KLHL20: variants seen among roughly 807,000 people sequenced by gnomAD.
KLHL20 encodes kelch-like protein 20.
Under a neutral mutation model 69.5 loss-of-function variants are expected in KLHL20, and 29 were observed. That is an observed-to-expected ratio of 0.42 (90% CI 0.31 to 0.57). The LOEUF (loss-of-function observed/expected upper bound fraction) is 0.57, where lower values mean the gene tolerates loss of function less well. KLHL20 is among the 20% of genes least tolerant of loss of function. KLHL20 has a pLI of 0.18. For synonymous variants in KLHL20, 253 were observed against 265.2 expected, an observed-to-expected ratio of 0.95 and a Z score of 0.45; for missense variants, 419 against 776.0, an observed-to-expected ratio of 0.54 and a Z score of 5.47.
At chr1:173,757,183 TTCTC>T in intron 7 of KLHL20, 24 bp downstream of exon 7, 1 of 1,571,670 alleles carries the variant, frequency 6.4e-7, no homozygotes, top group African/African-American at 1.4e-5. Flanking sequence ...ATCTGTAATT[TTCTC>T]TCTACTATTC....
At chr1:173,767,769 A>G (rs913274420) in intron 8 of KLHL20, among the ~76,000 whole-genome samples, 4 of 152,086 alleles carry the variant, frequency 2.6e-5, no homozygotes, top group Non-Finnish European at 1.5e-5. Context: ...TAAGTTCCTT[A>G]TATATTTTCA....
At chr1:173,781,020 G>GGA (rs948827857) in intron 10 of KLHL20, among the ~76,000 whole-genome samples, 2 of 147,146 alleles carry the variant, frequency 1.4e-5, no homozygotes, top group East Asian at 2.0e-4. Context: ...AGAGGGAGAG[G>GGA]GAGAGAGAGA....
At chr1:173,755,110 G>A (rs1036438542) in intron 5 of KLHL20, among the ~76,000 whole-genome samples, 5 of 149,116 alleles carry the variant, frequency 3.4e-5, no homozygotes, top group African/African-American at 1.2e-4. Flanking sequence ...CCAGGCTGGA[G>A]TGCAGTGGTG....
intron 4 of KLHL20, among the ~76,000 whole-genome samples, chr1:173,752,153 T>G (rs1673344995): frequency 6.6e-6 from 1 of 151,056 alleles, no homozygotes; most frequent in Non-Finnish European, 1.5e-5. Flanking sequence ...GGAGAATCAC[T>G]TGAAACCAGG....
chr1:173,733,577 A>C, intron 2 of KLHL20, 136 bp from the exon 3 acceptor site: 2 of 748,820 alleles, frequency 2.7e-6, no homozygotes, highest in South Asian at 3.9e-5. Context: ...GTGAGACATC[A>C]TCTCTACAAA....
chr1:173,742,522 G>A (rs533876662), intron 3 of KLHL20, among the ~76,000 whole-genome samples: 15 of 152,070 alleles, frequency 9.9e-5, no homozygotes, highest in Admixed American at 9.2e-4. Flanking sequence ...TGGTAACAGG[G>A]AATATTTAGA....
At position 173,782,247 on chromosome 1, in the gene KLHL20, G is replaced by A. The variant is rs369523505; in HGVS notation, c.1745+17G>A. The stretch of plus-strand genomic sequence containing the variant: ...TACATGGAGGTAACTTTTAAGCTGT[G>A]TAGCAAATCACCTCACTACTGATTT... On this transcript the variant is annotated intron_variant, in intron 11 of 11. Transcript: ENST00000209884. 74 of 1,563,092 alleles carry A rather than the reference G, an allele frequency of 4.7e-5. No individual in the cohort carries two copies. The highest frequency in any genetic ancestry group is 6.2e-5 in the Non-Finnish European group (70 of 1,133,848).
intron 6 of KLHL20, 92 bp downstream of exon 6, chr1:173,756,130 C>A: frequency 2.3e-6 from 2 of 856,062 alleles, no homozygotes; most frequent in Non-Finnish European, 1.9e-6. Flanking sequence ...ATGATATTTA[C>A]TGTCATAAGA....
At chr1:173,741,914 G>C (rs563042302) in intron 3 of KLHL20, 9 of 1,277,470 alleles carry the variant, frequency 7.0e-6, no homozygotes, top group Non-Finnish European at 8.9e-6. Context: ...TGTTCCTTCA[G>C]ATGAAAGCAG....
At chr1:173,756,379 C>T (rs1313425780) in intron 6 of KLHL20, among the ~76,000 whole-genome samples, 1 of 144,498 alleles carries the variant, frequency 6.9e-6, no homozygotes. Flanking sequence ...ATAAGAAAAA[C>T]AATTGGCTGA....
chr1:173,722,123 A>C (rs889426904), intron 2 of KLHL20, among the ~76,000 whole-genome samples: 1 of 151,996 alleles, frequency 6.6e-6, no homozygotes, highest in South Asian at 2.1e-4. Flanking sequence ...ATAATTTTTA[A>C]ATTTTTTCGT....
chr1:173,776,017 C>T (rs1648441925), intron 10 of KLHL20, among the ~76,000 whole-genome samples, 175 bp downstream of exon 10: 1 of 152,078 alleles, frequency 6.6e-6, no homozygotes, highest in Non-Finnish European at 1.5e-5. Context: ...TTTGAGGAAC[C>T]TCCAAACTGT....
intron 11 of KLHL20, among the ~76,000 whole-genome samples, chr1:173,783,804 T>A (rs1343870578): frequency 6.7e-6 from 1 of 150,092 alleles, no homozygotes; most frequent in Non-Finnish European, 1.5e-5. Context: ...GGGTCAGAGG[T>A]TGCAGTGAGC....
At chr1:173,753,374 T>C (rs1673395537) in intron 5 of KLHL20, 67 bp downstream of exon 5, 2 of 1,135,362 alleles carry the variant, frequency 1.8e-6, no homozygotes, top group African/African-American at 3.1e-5. Context: ...ATTTCCTTAT[T>C]TGTATTGCTT....
In KLHL20 at chr1:173,766,121, T is replaced by G. The variant is rs780386309; in HGVS notation, c.1152-25T>G. ...CAAGCTTCCTTTGTGTAATACAAAC[T>G]CTCCTCTTGGTATGTTCTTTTCAGG... On this transcript the variant is annotated intron_variant, in intron 7 of 11. Transcript: ENST00000209884. 10 of 1,540,572 alleles carry G rather than the reference T, an allele frequency of 6.5e-6. No homozygotes were observed. In the South Asian group the frequency reaches 1.1e-4, roughly 18 times the overall value.
chr1:173,745,208 G>C (rs977998307), intron 3 of KLHL20, among the ~76,000 whole-genome samples: 5 of 122,772 alleles, frequency 4.1e-5, no homozygotes, highest in Non-Finnish European at 8.1e-5. Flanking sequence ...GTCTGGCTGT[G>C]TCACCCAGGG....
chr1:173,757,236 G>A, intron 7 of KLHL20, 77 bp downstream of exon 7: 1 of 1,365,140 alleles, frequency 7.3e-7, no homozygotes. Context: ...GAAACAAATT[G>A]ATTTAATGCT....
intron 9 of KLHL20, 120 bp downstream of exon 9, chr1:173,774,558 T>C: frequency 4.5e-6 from 5 of 1,120,870 alleles, no homozygotes; most frequent in Non-Finnish European, 5.2e-6. Context: ...AATGCCTGAT[T>C]TTTCCCTCCA....
In KLHL20 at chr1:173,775,733, A is replaced by G. The variant is rs1470053894; in HGVS notation, c.1529A>G (p.Tyr510Cys). ...TGTGCAGTATATCAGGACATGATCT[A>G]TGCTGTAGGAGGTAGAGATGACACT... ...LGCAVYQDMI[Y>C]AVGGRDDTTE... Residue 510 changes from tyrosine (Y) to cysteine (C), a missense_variant, in exon 10 of 12, where the codon TAT becomes TGT. Tyr to Cys is a radical substitution (Grantham distance 194). This residue lies in a region of KLHL20 where 79 missense variants were observed against 154.4 expected (regional missense o/e 0.51). Coordinates refer to ENST00000209884, the MANE Select transcript of KLHL20 (RefSeq NM_014458.4). 1 of 1,614,094 alleles carries G rather than the reference A, an allele frequency of 6.2e-7. No individual in the cohort carries two copies. Among genetic ancestry groups the G allele is most frequent in the African/African-American group, 1.3e-5 (1 of 74,940 alleles).
Sources: gnomAD v4.1 joint callset for allele counts (sites outside exome capture counted in the v4.1 genomes callset) on GRCh38, gnomAD v4.1.1 for gene constraint, gnomAD v4.1.1 regional missense constraint, MANE v1.5 for transcripts, NCBI Gene and HGNC (gene_info 2026-07-23, HGNC 2026-07-21) for gene names.